LAMP5: variants seen among roughly 807,000 people sequenced by gnomAD.
LAMP5 encodes the protein lysosome-associated membrane glycoprotein 5.
Under a neutral mutation model 30.2 loss-of-function variants are expected in LAMP5, and 36 were observed. That is an observed-to-expected ratio of 1.19 (90% CI 0.91 to 1.57). LAMP5 has a LOEUF of 1.57. Ranked by LOEUF, LAMP5 falls within the 40% of genes most tolerant of loss-of-function variation. LAMP5 has a pLI of 0.00. For synonymous variants in LAMP5, 149 were observed against 134.6 expected (o/e 1.11, Z -0.74); for missense variants, 377 against 354.9 (o/e 1.06, Z -0.50).
chr20:9,519,746 C>A (rs2122836001), intron 5 of LAMP5, among the ~76,000 whole-genome samples: 1 of 152,246 alleles, frequency 6.6e-6, no homozygotes, highest in Non-Finnish European at 1.5e-5. Context: ...GCCATAAATG[C>A]TTTTGAGTTT....
intron 4 of LAMP5, 82 bp from the exon 5 acceptor site, chr20:9,517,958 C>T: frequency 7.8e-7 from 1 of 1,281,654 alleles, no homozygotes. Context: ...GTGTCTGGAA[C>T]TGAGAGGCAA....
rs908411203 is a variant in LAMP5 at position 9,518,302 on chromosome 20, C to A, written c.664+74C>A. On this transcript the variant is annotated intron_variant, in intron 5 of 5. Coordinates refer to ENST00000246070, the MANE Select transcript of LAMP5 (RefSeq NM_012261.4). ...AGGATGAGAGAGGGACCTACCAGGGCCCCAGGATGTTACCACTTGGATTTC... is the reference window on the plus strand; with the variant it reads ...AGGATGAGAGAGGGACCTACCAGGGACCCAGGATGTTACCACTTGGATTTC... 9 of 1,339,912 alleles carry A rather than the reference C, an allele frequency of 6.7e-6. No individual in the cohort carries two copies. In the African/African-American group the frequency reaches 1.2e-4, roughly 17 times the overall value. The allele number at this position is 1,339,912 out of a possible 1,614,324, so 83.0% of individuals were successfully genotyped here.
chr20:9,529,246 T>G (rs746924859), intron 5 of LAMP5, among the ~76,000 whole-genome samples: 5 of 152,252 alleles, frequency 3.3e-5, no homozygotes, highest in Non-Finnish European at 7.3e-5. Flanking sequence ...CTTGGTATTT[T>G]CAGTCTTTTT....
intron 4 of LAMP5, 96 bp downstream of exon 4, chr20:9,516,457 C>T: frequency 1.9e-6 from 2 of 1,029,516 alleles, no homozygotes; most frequent in Non-Finnish European, 3.0e-6. Flanking sequence ...CCGTCCCACG[C>T]TTTGAGGTCC....
rs1477207483 is a variant in LAMP5 at position 9,514,763 on chromosome 20, C to A, written c.-90C>A. On this transcript the variant is annotated 5_prime_UTR_variant, in exon 1 of 6. Transcript: ENST00000246070. ...TTCTCTGTCCCCCGCCTCTCGCTCA[C>A]CCCGGCCCACTCCAGCGGCGACTTT... 5 of 1,214,168 alleles carry A rather than the reference C, an allele frequency of 4.1e-6. No homozygotes were observed. Among genetic ancestry groups the A allele is most frequent in the Non-Finnish European group, 4.8e-6 (4 of 829,788 alleles). The allele number at this position is 1,214,168 out of a possible 1,614,324, so 75.2% of individuals were successfully genotyped here. A position where few individuals can be genotyped will look rare whatever the true frequency, so the allele number is the denominator to read the frequency against.
Position 9,518,044 on chromosome 20 carries a change from G to A in LAMP5, c.480G>A (p.Gly160=). 6.2e-7 allele frequency: 1 copy of A among 1,613,630 alleles called. No individual in the cohort carries two copies. The highest frequency in any genetic ancestry group is 8.5e-7 in the Non-Finnish European group (1 of 1,179,942). Residue 160 remains glycine (G), a synonymous_variant, in exon 5 of 6, where the codon GGG becomes GGA. Transcript: ENST00000246070. ...KTHFKDAVSA[G]KHTANSHHLS... ...TGCTCTGGGCTCTTGCTGTAGCTGG[G>A]AAGCACACAGCCAACTCGCACCACC...
chr20:9,523,790 G>T (rs993554489), intron 5 of LAMP5, among the ~76,000 whole-genome samples: 4 of 152,088 alleles, frequency 2.6e-5, no homozygotes, highest in Admixed American at 1.3e-4. Flanking sequence ...ATGTAGTCCG[G>T]GCTAAGCCAA....
chr20:9,521,603 A>G (rs1026542001), intron 5 of LAMP5, among the ~76,000 whole-genome samples: 3 of 152,150 alleles, frequency 2.0e-5, no homozygotes, highest in African/African-American at 4.8e-5. Context: ...AATAGAAGCT[A>G]TCACCCCTGC....
At chr20:9,522,964 A>G (rs574107115) in intron 5 of LAMP5, among the ~76,000 whole-genome samples, 2 of 145,478 alleles carry the variant, frequency 1.4e-5, no homozygotes, top group East Asian at 2.0e-4. Flanking sequence ...CTTCTCTAAT[A>G]CTTAAATCTT....
chr20:9,522,199 A>C (rs1426980353), intron 5 of LAMP5, among the ~76,000 whole-genome samples: 1 of 152,126 alleles, frequency 6.6e-6, no homozygotes, highest in Non-Finnish European at 1.5e-5. Context: ...GGGTACCCCC[A>C]ATTCATGAGC....
Position 9,514,762 on chromosome 20 carries a change from A to C in LAMP5, c.-91A>C. The C allele has an allele frequency of 2.6e-6, 3 of 1,156,284 alleles. No homozygotes were observed. The highest frequency in any genetic ancestry group is 3.8e-6 in the Non-Finnish European group (3 of 783,644). The allele number at this position is 1,156,284 out of a possible 1,614,324, so 71.6% of individuals were successfully genotyped here. A position where few individuals can be genotyped will look rare whatever the true frequency, so the allele number is the denominator to read the frequency against. The stretch of plus-strand genomic sequence containing the variant: ...CTTCTCTGTCCCCCGCCTCTCGCTC[A>C]CCCCGGCCCACTCCAGCGGCGACTT... On this transcript the variant is annotated 5_prime_UTR_variant, in exon 1 of 6. Transcript: ENST00000246070.
intron 1 of LAMP5, 117 bp downstream of exon 1, chr20:9,515,033 GTTTT>G: frequency 1.0e-6 from 1 of 996,222 alleles, no homozygotes. Flanking sequence ...GTTTTGCGGT[GTTTT>G]TTCTTTTTTT....
At chr20:9,519,474 G>A (rs1480939753) in intron 5 of LAMP5, among the ~76,000 whole-genome samples, 1 of 152,198 alleles carries the variant, frequency 6.6e-6, no homozygotes, top group Non-Finnish European at 1.5e-5. Flanking sequence ...TTTAAGAAAA[G>A]ACAGGTGGAA....
At chr20:9,528,237 A>T (rs1283114016) in intron 5 of LAMP5, among the ~76,000 whole-genome samples, 5 of 152,120 alleles carry the variant, frequency 3.3e-5, no homozygotes, top group Non-Finnish European at 7.3e-5. Flanking sequence ...ACTCACATGT[A>T]GGAGCTCAAT....
At position 9,529,655 on chromosome 20, in the gene LAMP5, A is replaced by C; in HGVS notation, c.678A>C (p.Pro226=). The C allele has an allele frequency of 6.2e-7, 1 of 1,614,172 alleles. No homozygotes were observed. Among genetic ancestry groups the C allele is most frequent in the East Asian group, 2.2e-5 (1 of 44,876 alleles). Residue 226 remains proline, a synonymous_variant, in exon 6 of 6, where the codon CCA becomes CCC. Transcript: ENST00000246070. ...TTCCCATTGCAGAGCATAAATGCCCAGTGGATGAGCGGGAGCAACTGGAAG... is the reference window on the plus strand; with the variant it reads ...TTCCCATTGCAGAGCATAAATGCCCCGTGGATGAGCGGGAGCAACTGGAAG... ...DFVFSEEHKC[P]VDEREQLEET...
At chr20:9,520,120 T>C (rs999408453) in intron 5 of LAMP5, among the ~76,000 whole-genome samples, 2 of 152,228 alleles carry the variant, frequency 1.3e-5, no homozygotes, top group Non-Finnish European at 2.9e-5. Flanking sequence ...AGAGAGTTTG[T>C]AACTACATAT....
At chr20:9,518,305 C>T in intron 5 of LAMP5, 77 bp downstream of exon 5, 6 of 1,268,332 alleles carry the variant, frequency 4.7e-6, no homozygotes, top group Admixed American at 1.9e-5. Flanking sequence ...ACCAGGGCCC[C>T]AGGATGTTAC....
At chr20:9,523,225 A>G (rs992590366) in intron 5 of LAMP5, among the ~76,000 whole-genome samples, 1 of 152,118 alleles carries the variant, frequency 6.6e-6, no homozygotes, top group African/African-American at 2.4e-5. Context: ...AGCACAGGGA[A>G]CATATGGAAA....
At chr20:9,514,938 G>A (rs1389690653) in intron 1 of LAMP5, 22 bp downstream of exon 1, 1 of 1,610,992 alleles carries the variant, frequency 6.2e-7, no homozygotes, top group African/African-American at 1.3e-5. Context: ...TTTGGCGACT[G>A]GGAGAGAGGA....
Sources: allele counts gnomAD v4.1 joint callset (sites outside exome capture counted in the v4.1 genomes callset), GRCh38; gene constraint gnomAD v4.1.1; transcripts MANE v1.5; gene names NCBI Gene and HGNC (gene_info 2026-07-23, HGNC 2026-07-21).